The following SDK1 variants were observed in gnomAD, a reference collection of about 807,000 sequenced individuals.
SDK1 encodes the protein sidekick cell adhesion molecule 1, also known as protein sidekick-1.
Under a neutral mutation model 245.5 loss-of-function variants are expected in SDK1, and 157 were observed. The ratio of observed to expected loss-of-function variants is 0.64; its 90% CI spans 0.56 to 0.73. The LOEUF (loss-of-function observed/expected upper bound fraction) is 0.73, where lower values mean the gene tolerates loss of function less well. SDK1 is among the 30% of genes least tolerant of loss of function. The pLI is 0.00. For synonymous variants in SDK1, 1,647 were observed against 1,278.5 expected, an observed-to-expected ratio of 1.29 and a Z score of -6.15; for missense variants, 3,583 against 3,002.3, an observed-to-expected ratio of 1.19 and a Z score of -4.52.
intron 4 of SDK1, among the ~76,000 whole-genome samples, chr7:3,784,991 G>T (rs1230832996): frequency 6.6e-6 from 1 of 152,194 alleles, no homozygotes; most frequent in Non-Finnish European, 1.5e-5. Flanking sequence ...AGAAAACGTG[G>T]TACTTACACG....
chr7:3,778,460 A>G (rs1422099832), intron 4 of SDK1, among the ~76,000 whole-genome samples: 3 of 152,056 alleles, frequency 2.0e-5, no homozygotes, highest in African/African-American at 7.2e-5. Context: ...TAAAGTTCGT[A>G]TTTTCTATCT....
At chr7:3,779,803 G>A (rs1376059292) in intron 4 of SDK1, among the ~76,000 whole-genome samples, 1 of 151,892 alleles carries the variant, frequency 6.6e-6, no homozygotes, top group African/African-American at 2.4e-5. Context: ...GCGGTGGCGG[G>A]CGCCTGTAGT....
chr7:4,200,471 T>C (rs1248815355), intron 35 of SDK1, among the ~76,000 whole-genome samples: 1 of 152,272 alleles, frequency 6.6e-6, no homozygotes, highest in Non-Finnish European at 1.5e-5. Flanking sequence ...AGGTAGGTCC[T>C]CTGCCTCAGG....
intron 28 of SDK1, among the ~76,000 whole-genome samples, chr7:4,142,941 C>A (rs1443253252): frequency 6.6e-6 from 1 of 152,218 alleles, no homozygotes; most frequent in Admixed American, 6.5e-5. Context: ...AGAACACAGC[C>A]GCCCAGAGAC....
At chr7:3,519,382 C>T (rs2128613959) in intron 1 of SDK1, among the ~76,000 whole-genome samples, 1 of 152,116 alleles carries the variant, frequency 6.6e-6, no homozygotes, top group South Asian at 2.1e-4. Context: ...TTACTGTGTA[C>T]CCCATACATA....
intron 5 of SDK1, among the ~76,000 whole-genome samples, chr7:3,864,316 C>G (rs1465216954): frequency 6.6e-6 from 1 of 152,086 alleles, no homozygotes; most frequent in Admixed American, 6.6e-5. Context: ...TATAGTCAAT[C>G]ATTTTTACAT....
At chr7:3,827,333 G>A (rs887616573) in intron 5 of SDK1, among the ~76,000 whole-genome samples, 4 of 152,242 alleles carry the variant, frequency 2.6e-5, no homozygotes, top group Middle Eastern at 3.4e-3. Flanking sequence ...ATCTGAGGAT[G>A]CCTGAGGTCA....
At chr7:3,669,856 A>C (rs1028972299) in intron 4 of SDK1, among the ~76,000 whole-genome samples, 3 of 152,174 alleles carry the variant, frequency 2.0e-5, no homozygotes, top group Non-Finnish European at 4.4e-5. Context: ...TTGAAAACAG[A>C]ACTCTTTTTT....
chr7:4,062,071 A>G (rs1261332328), intron 19 of SDK1, among the ~76,000 whole-genome samples: 2 of 151,694 alleles, frequency 1.3e-5, no homozygotes, highest in African/African-American at 2.4e-5. Flanking sequence ...AGCATGGCAC[A>G]TGTATACATA....
chr7:3,769,518 C>G (rs922721432), intron 4 of SDK1, among the ~76,000 whole-genome samples: 6 of 152,110 alleles, frequency 3.9e-5, no homozygotes, highest in Non-Finnish European at 5.9e-5. Context: ...GATCCAATTG[C>G]CCCTAAGCTC....
rs550542282 is a variant in SDK1 at position 3,758,527 on chromosome 7, C to G, written c.714-62923C>G. ...AAACTGTAATTATTTTTGTACCAAC[C>G]TAATAGATTTAATTTGTAGGTCAAA... is the stretch of plus-strand genomic sequence containing the variant. On this transcript the variant is annotated intron_variant, in intron 4 of 44. Coordinates refer to ENST00000404826, the MANE Select transcript of SDK1 (RefSeq NM_152744.4). Among the ~76,000 whole-genome samples the G allele has an allele frequency of 3.4e-4, 51 of 152,224 alleles. No homozygotes were observed. In the South Asian group the frequency reaches 1.0e-2, roughly 30 times the overall value.
chr7:3,754,229 A>G (rs927426300), intron 4 of SDK1, among the ~76,000 whole-genome samples: 10 of 152,196 alleles, frequency 6.6e-5, no homozygotes, highest in African/African-American at 2.4e-4. Flanking sequence ...TACCCCAGGG[A>G]TTTATTAAGT....
Position 3,580,896 on chromosome 7 carries a change from A to C in SDK1, c.299-38184A>C, listed in dbSNP as rs1780458068. The stretch of plus-strand genomic sequence containing the variant: ...GGCAGGAGAATCGCTTGAACTGAGG[A>C]GGCAGAAGTTGCAGATGAGCCGAGA... On this transcript the variant is annotated intron_variant, in intron 1 of 44. Transcript: ENST00000404826. 2.1e-5 allele frequency among the ~76,000 whole-genome samples: 3 copies of C among 143,362 alleles called. No homozygotes were observed. In the South Asian group the frequency reaches 6.9e-4, roughly 33 times the overall value. 94.1% of individuals were successfully genotyped at this position (143,362 alleles called of 152,430 possible). A position where few individuals can be genotyped will look rare whatever the true frequency, so the allele number is the denominator to read the frequency against.
At chr7:3,907,881 G>C (rs1779009998) in intron 5 of SDK1, among the ~76,000 whole-genome samples, 1 of 152,200 alleles carries the variant, frequency 6.6e-6, no homozygotes, top group Admixed American at 6.5e-5. Flanking sequence ...GTGAGTTTCA[G>C]TGGAACTAGA....
intron 1 of SDK1, among the ~76,000 whole-genome samples, chr7:3,373,845 A>G (rs891477416): frequency 6.6e-6 from 1 of 152,160 alleles, no homozygotes; most frequent in Non-Finnish European, 1.5e-5. Context: ...ACCATTTATA[A>G]TCAACAACAA....
chr7:3,420,881 CT>C (rs1779516762), intron 1 of SDK1, among the ~76,000 whole-genome samples: 1 of 152,148 alleles, frequency 6.6e-6, no homozygotes, highest in South Asian at 2.1e-4. Context: ...CATGCATTAG[CT>C]ATTTATCCTG....
Position 4,079,335 on chromosome 7 carries a change from G to T in SDK1, c.3203-128G>T, listed in dbSNP as rs545218339. On this transcript the variant is annotated intron_variant, in intron 21 of 44. Coordinates refer to ENST00000404826, the MANE Select transcript of SDK1 (RefSeq NM_152744.4). ...TGCTGCTTCTCACCTTCATGGTTTT[G>T]AGAGCAAATCCTTTTTTGGTATAGA... The T allele has an allele frequency of 4.1e-5, 48 of 1,174,318 alleles. No individual in the cohort carries two copies. The African/African-American group carries it at 8.2e-4, about 20-fold the overall frequency. 72.7% of individuals were successfully genotyped at this position (1,174,318 alleles called of 1,614,324 possible). A position where few individuals can be genotyped will look rare whatever the true frequency, so the allele number is the denominator to read the frequency against.
rs576849291 is a variant in SDK1, at chr7:3,869,752, A to G, written c.847+48169A>G. On this transcript the variant is annotated intron_variant, in intron 5 of 44. Transcript: ENST00000404826. The stretch of plus-strand genomic sequence containing the variant: ...AGACACTGGCTCTCTCAGGCAGTCC[A>G]CTGCACATGGAGATGTCTTACTACT... Among the ~76,000 whole-genome samples, 6 of 152,356 alleles carry G rather than the reference A, an allele frequency of 3.9e-5. No individual in the cohort carries two copies. In the South Asian group the frequency reaches 1.2e-3, roughly 32 times the overall value.
intron 17 of SDK1, among the ~76,000 whole-genome samples, chr7:4,039,069 G>A (rs1175100267): frequency 4.7e-5 from 7 of 150,400 alleles, no homozygotes; most frequent in South Asian, 2.1e-4. Flanking sequence ...ACCAAACACC[G>A]CATGTTCTCA....
Sources: gnomAD v4.1 joint callset for allele counts (sites outside exome capture counted in the v4.1 genomes callset) on GRCh38, gnomAD v4.1.1 for gene constraint, MANE v1.5 for transcripts, NCBI Gene and HGNC (gene_info 2026-07-23, HGNC 2026-07-21) for gene names.